LRRC4C: variants seen among roughly 807,000 people sequenced by gnomAD.
LRRC4C encodes leucine rich repeat containing 4C, also known as leucine-rich repeat-containing protein 4C.
LRRC4C carries 5 observed loss-of-function variants against 33.6 expected under a neutral mutation model. The observed-to-expected ratio is 0.15, with a 90% CI of 0.08 to 0.31. The LOEUF is 0.31. Ranked by LOEUF, LRRC4C falls within the 10% of genes least tolerant of loss-of-function variation. The pLI, the probability that LRRC4C is intolerant of heterozygous loss-of-function variation, is 1.00. For synonymous variants in LRRC4C, 329 were observed against 302.0 expected (o/e 1.09, Z -0.93); for missense variants, 560 against 796.7 (o/e 0.70, Z 3.58).
intron 3 of LRRC4C, among the ~76,000 whole-genome samples, chr11:40,616,733 G>C (rs1250750530): frequency 6.6e-6 from 1 of 151,738 alleles, no homozygotes; most frequent in Non-Finnish European, 1.5e-5. Context: ...ACACAGGAAG[G>C]GGAACATCAT....
chr11:40,661,595 C>T (rs1943441908), intron 2 of LRRC4C, among the ~76,000 whole-genome samples: 1 of 152,184 alleles, frequency 6.6e-6, no homozygotes, highest in East Asian at 1.9e-4. Context: ...GTTTTCTCCT[C>T]TTTAGAAGGT....
intron 1 of LRRC4C, among the ~76,000 whole-genome samples, chr11:41,193,805 C>T (rs909764340): frequency 2.0e-5 from 3 of 149,924 alleles, no homozygotes; most frequent in African/African-American, 4.9e-5. Flanking sequence ...ACTGATTTTG[C>T]CTTTTTTTTT....
chr11:40,512,413 C>A (rs944667736), intron 3 of LRRC4C, among the ~76,000 whole-genome samples: 3 of 151,966 alleles, frequency 2.0e-5, no homozygotes, highest in South Asian at 2.1e-4. Flanking sequence ...AAACCAAAAC[C>A]AAAACAAAAC....
intron 1 of LRRC4C, among the ~76,000 whole-genome samples, chr11:41,017,754 A>G (rs190822607): frequency 1.2e-4 from 18 of 150,204 alleles, no homozygotes; most frequent in African/African-American, 4.4e-4. Flanking sequence ...TTATACTCAA[A>G]TTATTAATCA....
intron 3 of LRRC4C, among the ~76,000 whole-genome samples, chr11:40,561,230 A>G (rs935583515): frequency 3.9e-5 from 6 of 152,010 alleles, no homozygotes; most frequent in African/African-American, 1.4e-4. Context: ...TCAGGTCTAA[A>G]ACCTGCTACC....
At chr11:40,817,644 C>T (rs1951760195) in intron 2 of LRRC4C, among the ~76,000 whole-genome samples, 1 of 152,108 alleles carries the variant, frequency 6.6e-6, no homozygotes, top group Admixed American at 6.6e-5. Context: ...TGACAAACAT[C>T]ATCCAGTAAT....
chr11:40,317,580 A>G (rs1945637620), intron 4 of LRRC4C, among the ~76,000 whole-genome samples: 1 of 152,060 alleles, frequency 6.6e-6, no homozygotes, highest in Non-Finnish European at 1.5e-5. Flanking sequence ...CCTGAAACCC[A>G]TGCCCTTCTA....
At chr11:40,645,198 C>T (rs1942374683) in intron 3 of LRRC4C, among the ~76,000 whole-genome samples, 1 of 152,120 alleles carries the variant, frequency 6.6e-6, no homozygotes, top group Admixed American at 6.5e-5. Flanking sequence ...AGGAATGGCA[C>T]TTGACCAAAA....
chr11:41,347,511 G>A (rs532687156), intron 1 of LRRC4C, among the ~76,000 whole-genome samples: 2 of 152,104 alleles, frequency 1.3e-5, no homozygotes, highest in Non-Finnish European at 2.9e-5. Flanking sequence ...CAAATTTCAA[G>A]GGTGAATTGC....
chr11:40,390,814 G>T, intron 3 of LRRC4C, among the ~76,000 whole-genome samples: 1 of 152,086 alleles, frequency 6.6e-6, no homozygotes. Flanking sequence ...GCCCATTTGT[G>T]AAAACTCAGA....
intron 1 of LRRC4C, among the ~76,000 whole-genome samples, chr11:41,236,713 A>T (rs894734746): frequency 1.3e-5 from 2 of 152,130 alleles, no homozygotes; most frequent in Non-Finnish European, 2.9e-5. Context: ...AAAAAGAAAA[A>T]TGTTAAGTTT....
intron 1 of LRRC4C, among the ~76,000 whole-genome samples, chr11:40,981,727 A>T (rs983215435): frequency 3.9e-5 from 6 of 152,242 alleles, no homozygotes; most frequent in Non-Finnish European, 7.3e-5. Context: ...TAAACCCAAT[A>T]TACCCACCCA....
intron 3 of LRRC4C, among the ~76,000 whole-genome samples, chr11:40,476,339 CTTCT>C (rs1555074954): frequency 8.2e-6 from 1 of 121,576 alleles, no homozygotes; most frequent in Non-Finnish European, 1.7e-5. Context: ...CATTTTTTTT[CTTCT>C]TTTTTTTTTT....
chr11:40,617,446 T>C (rs1003998584), intron 3 of LRRC4C, among the ~76,000 whole-genome samples: 7 of 151,694 alleles, frequency 4.6e-5, no homozygotes, highest in African/African-American at 1.5e-4. Flanking sequence ...CTAGCTGTAG[T>C]GTAAATTATT....
At chr11:40,445,584 A>C in intron 3 of LRRC4C, 1 of 153,138 alleles carries the variant, frequency 6.5e-6, no homozygotes, top group East Asian at 1.9e-4. Context: ...CTCATTCATA[A>C]GGTTTATTGC....
intron 1 of LRRC4C, among the ~76,000 whole-genome samples, chr11:41,457,159 A>G (rs907131641): frequency 2.6e-5 from 4 of 152,196 alleles, no homozygotes; most frequent in Non-Finnish European, 5.9e-5. Flanking sequence ...ATTAATTTTT[A>G]CCAACACCAC....
intron 1 of LRRC4C, among the ~76,000 whole-genome samples, chr11:41,330,304 C>T (rs1015956530): frequency 2.0e-5 from 3 of 151,984 alleles, no homozygotes; most frequent in African/African-American, 7.3e-5. Context: ...CTGTTGTGAG[C>T]ACTATTTTGT....
intron 4 of LRRC4C, among the ~76,000 whole-genome samples, chr11:40,257,226 A>G (rs781782463): frequency 1.3e-5 from 2 of 151,924 alleles, no homozygotes; most frequent in Non-Finnish European, 2.9e-5. Context: ...GATAGAAACA[A>G]ATACAAAGGA....
chr11:41,183,698 G>T (rs1945557553), intron 1 of LRRC4C, among the ~76,000 whole-genome samples: 1 of 152,208 alleles, frequency 6.6e-6, no homozygotes, highest in Non-Finnish European at 1.5e-5. Context: ...GGGTTTGGAG[G>T]ACAGTGGCCC....
Sources: gnomAD v4.1 joint callset for allele counts (sites outside exome capture counted in the v4.1 genomes callset) on GRCh38, gnomAD v4.1.1 for gene constraint, MANE v1.5 for transcripts, NCBI Gene and HGNC (gene_info 2026-07-23, HGNC 2026-07-21) for gene names.